ZNF385D: variants seen among roughly 807,000 people sequenced by gnomAD.
ZNF385D encodes the protein zinc finger protein 385D, also known as zinc finger protein 659.
A neutral mutation model predicts 35.8 loss-of-function variants in ZNF385D; 15 were observed. The ratio of observed to expected loss-of-function variants is 0.42; its 90% CI spans 0.28 to 0.64. The LOEUF is 0.64. ZNF385D is among the 30% of genes least tolerant of loss of function. The pLI, the probability that ZNF385D is intolerant of heterozygous loss-of-function variation, is 0.23. For synonymous variants in ZNF385D, 212 were observed against 186.8 expected (o/e 1.13, Z -1.10); for missense variants, 474 against 494.6 (o/e 0.96, Z 0.39).
chr3:22,139,368 A>G (rs1704351789), intron 3 of ZNF385D, among the ~76,000 whole-genome samples: 1 of 152,196 alleles, frequency 6.6e-6, no homozygotes, highest in Non-Finnish European at 1.5e-5. Flanking sequence ...ACCAACCCAA[A>G]TGTCCAACAA....
chr3:21,708,560 G>A (rs984515061), intron 1 of ZNF385D, among the ~76,000 whole-genome samples: 1 of 152,064 alleles, frequency 6.6e-6, no homozygotes, highest in African/African-American at 2.4e-5. Context: ...CCAAAATGTG[G>A]AAATAAATTT....
chr3:22,318,458 A>T (rs1704022428), intron 2 of ZNF385D, among the ~76,000 whole-genome samples: 1 of 152,130 alleles, frequency 6.6e-6, no homozygotes, highest in Non-Finnish European at 1.5e-5. Context: ...GCTTGAAGTA[A>T]ATGGAAAATT....
rs182507661 is a variant in ZNF385D at position 22,025,667 on chromosome 3, C to T, written c.325+143150G>A. Reference sequence around the variant, plus strand: ...GGATTAAAAGATGGCCCACTGTGAGCGAGCTGGAAATGCCTGATCTCCCTT... The same window carrying T: ...GGATTAAAAGATGGCCCACTGTGAGTGAGCTGGAAATGCCTGATCTCCCTT... On this transcript the variant is annotated intron_variant, in intron 3 of 5. Coordinates refer to the ZNF385D transcript ENST00000494108. 4.5e-4 allele frequency among the ~76,000 whole-genome samples: 68 copies of T among 152,130 alleles called. No individual in the cohort carries two copies. In the East Asian group the frequency reaches 6.8e-3, roughly 15 times the overall value.
At chr3:21,436,899 A>G in intron 5 of ZNF385D, 71 bp downstream of exon 5, 1 of 1,423,586 alleles carries the variant, frequency 7.0e-7, no homozygotes, top group East Asian at 2.3e-5. Context: ...CCCTGCTGCA[A>G]AAGATCTAAT....
chr3:21,746,824 G>A (rs996897000), intron 1 of ZNF385D, among the ~76,000 whole-genome samples: 18 of 152,074 alleles, frequency 1.2e-4, no homozygotes, highest in African/African-American at 3.6e-4. Flanking sequence ...CTTTCTGATC[G>A]TTTCCTTCCT....
chr3:21,507,811 C>T (rs562384472), intron 4 of ZNF385D, among the ~76,000 whole-genome samples: 117 of 152,186 alleles, frequency 7.7e-4, no homozygotes, highest in African/African-American at 2.8e-3. Context: ...CATGTAATTG[C>T]TTTAAGAAAA....
At chr3:22,089,681 T>C (rs1490517153) in intron 3 of ZNF385D, among the ~76,000 whole-genome samples, 5 of 152,154 alleles carry the variant, frequency 3.3e-5, no homozygotes, top group Admixed American at 3.3e-4. Flanking sequence ...GATTTCCAGT[T>C]CATGATTTTT....
At chr3:21,426,770 T>C (rs1701045351) in intron 5 of ZNF385D, among the ~76,000 whole-genome samples, 1 of 152,146 alleles carries the variant, frequency 6.6e-6, no homozygotes, top group African/African-American at 2.4e-5. Context: ...GAGGAAAATA[T>C]ATTGTGAAGG....
At chr3:21,884,063 G>C (rs117018006) in intron 3 of ZNF385D, among the ~76,000 whole-genome samples, 1 of 151,918 alleles carries the variant, frequency 6.6e-6, no homozygotes, top group Non-Finnish European at 1.5e-5. Flanking sequence ...ATATAAATGC[G>C]GATGGTTTGC....
chr3:22,187,207 C>G (rs957180595), intron 2 of ZNF385D, among the ~76,000 whole-genome samples: 1 of 152,176 alleles, frequency 6.6e-6, no homozygotes, highest in Non-Finnish European at 1.5e-5. Context: ...CTTTTTCTAG[C>G]ATCAGCTTTT....
intron 3 of ZNF385D, among the ~76,000 whole-genome samples, chr3:21,903,647 T>TAAAAAGATAC (rs1699528958): frequency 6.6e-6 from 1 of 152,232 alleles, no homozygotes; most frequent in African/African-American, 2.4e-5. Context: ...GGGTGCATTT[T>TAAAAAGATAC]ATTTTACAGA....
intron 3 of ZNF385D, among the ~76,000 whole-genome samples, chr3:21,944,515 C>A (rs966347336): frequency 3.9e-5 from 6 of 152,128 alleles, no homozygotes; most frequent in Non-Finnish European, 5.9e-5. Context: ...GCTGGTGGTT[C>A]GCAAGGAAAG....
intron 3 of ZNF385D, among the ~76,000 whole-genome samples, chr3:21,928,352 A>G: frequency 6.7e-6 from 1 of 150,184 alleles, no homozygotes; most frequent in South Asian, 2.1e-4. Flanking sequence ...GGGAGGGACG[A>G]AGGAAGGAAG....
rs542522445 is a variant in ZNF385D, at chr3:21,990,767, T to C, written c.325+178050A>G. On this transcript the variant is annotated intron_variant, in intron 3 of 5. Coordinates refer to the ZNF385D transcript ENST00000494108. ...ACATCTACAGAAAAACTGTATGAGCTGAAACACTTATTGCTAACTCAGATG... is the reference window on the plus strand; with the variant it reads ...ACATCTACAGAAAAACTGTATGAGCCGAAACACTTATTGCTAACTCAGATG... Among the ~76,000 whole-genome samples, 54 of 152,346 alleles carry C rather than the reference T, an allele frequency of 3.5e-4. No individual in the cohort carries two copies. In the South Asian group the frequency reaches 0.011, roughly 31 times the overall value.
rs540065414 is a variant in ZNF385D, at chr3:21,779,197, A to G, written c.326-114169T>C. On this transcript the variant is annotated intron_variant, in intron 3 of 5. Transcript: ENST00000494108. ...CAAAGCCACAGACATCAGTGTCATT[A>G]AGACCACTGGGCATTTCAGGATATA... Among the ~76,000 whole-genome samples the G allele has an allele frequency of 4.6e-5, 7 of 152,074 alleles. 1 individual carries two copies. Among genetic ancestry groups the G allele is most frequent in the Middle Eastern group, 3.4e-3 (1 of 294 alleles).
At chr3:21,429,659 T>C (rs1288025368) in intron 5 of ZNF385D, among the ~76,000 whole-genome samples, 1 of 152,056 alleles carries the variant, frequency 6.6e-6, no homozygotes, top group Non-Finnish European at 1.5e-5. Flanking sequence ...ACAAAGAAAG[T>C]TTCAGAGGGG....
intron 1 of ZNF385D, among the ~76,000 whole-genome samples, chr3:21,739,757 G>C (rs1040087796): frequency 2.0e-5 from 3 of 152,094 alleles, no homozygotes; most frequent in African/African-American, 4.8e-5. Context: ...ATTGATCTTT[G>C]GGGTATTTCT....
chr3:22,148,003 G>T (rs1307356489), intron 3 of ZNF385D, among the ~76,000 whole-genome samples: 2 of 152,098 alleles, frequency 1.3e-5, no homozygotes, highest in African/African-American at 2.4e-5. Flanking sequence ...CTTCATTTCT[G>T]GGATAATTGC....
intron 2 of ZNF385D, among the ~76,000 whole-genome samples, chr3:22,252,492 T>C (rs1234189663): frequency 6.6e-6 from 1 of 152,066 alleles, no homozygotes; most frequent in African/African-American, 2.4e-5. Flanking sequence ...ATGACAAAGA[T>C]ATGAGCAGAG....
Sources: allele counts gnomAD v4.1 joint callset (sites outside exome capture counted in the v4.1 genomes callset), GRCh38; gene constraint gnomAD v4.1.1; transcripts MANE v1.5; gene names NCBI Gene and HGNC (gene_info 2026-07-23, HGNC 2026-07-21).